GPC6: variants seen among roughly 807,000 people sequenced by gnomAD.
GPC6 encodes the protein glypican-6.
GPC6 carries 14 observed loss-of-function variants against 55.2 expected under a neutral mutation model. The observed-to-expected ratio is 0.25, with a 90% confidence interval of 0.17 to 0.40. The LOEUF (loss-of-function observed/expected upper bound fraction) is 0.40. Ranked by LOEUF, GPC6 falls within the 10% of genes least tolerant of loss-of-function variation. The probability of loss-of-function intolerance (pLI) is 1.00; values close to 1 mark genes in which losing one functional copy is unlikely to be tolerated. For synonymous variants in GPC6, 278 were observed against 259.6 expected, an observed-to-expected ratio of 1.07 and a Z score of -0.68; for missense variants, 641 against 708.5, an observed-to-expected ratio of 0.90 and a Z score of 1.08.
intron 2 of GPC6, among the ~76,000 whole-genome samples, chr13:93,699,702 A>G (rs1882602875): frequency 6.6e-6 from 1 of 152,180 alleles, no homozygotes; most frequent in African/African-American, 2.4e-5. Context: ...TGTGGTAAAT[A>G]AAATTATTTA....
At chr13:93,574,862 G>A (rs926438923) in intron 2 of GPC6, among the ~76,000 whole-genome samples, 1 of 152,126 alleles carries the variant, frequency 6.6e-6, no homozygotes, top group Non-Finnish European at 1.5e-5. Context: ...TTAGCATATT[G>A]TTTTAGAGGT....
chr13:93,620,462 C>T (rs1878901775), intron 2 of GPC6, among the ~76,000 whole-genome samples: 1 of 152,176 alleles, frequency 6.6e-6, no homozygotes, highest in Non-Finnish European at 1.5e-5. Flanking sequence ...TCTTTCCCAT[C>T]AAGTTCTATT....
intron 2 of GPC6, among the ~76,000 whole-genome samples, chr13:93,604,027 T>C (rs1282358549): frequency 6.6e-6 from 1 of 152,228 alleles, no homozygotes; most frequent in East Asian, 1.9e-4. Context: ...GTACACTCTG[T>C]ATAGACAAAC....
intron 2 of GPC6, among the ~76,000 whole-genome samples, chr13:93,669,101 G>C (rs1171882852): frequency 6.6e-6 from 1 of 152,090 alleles, no homozygotes; most frequent in Non-Finnish European, 1.5e-5. Context: ...TTATAAACAA[G>C]AAGATGAGCC....
intron 1 of GPC6, among the ~76,000 whole-genome samples, chr13:93,243,895 C>T (rs567578275): frequency 1.3e-5 from 2 of 152,132 alleles, no homozygotes; most frequent in South Asian, 4.2e-4. Flanking sequence ...GCTGGGGTGG[C>T]CATGGGATGC....
At chr13:94,033,182 C>T (rs1883204038) in intron 4 of GPC6, among the ~76,000 whole-genome samples, 1 of 152,150 alleles carries the variant, frequency 6.6e-6, no homozygotes, top group African/African-American at 2.4e-5. Context: ...ATAACTAATT[C>T]AGTAATTTAA....
chr13:93,640,888 C>T (rs1454836304), intron 2 of GPC6, among the ~76,000 whole-genome samples: 1 of 144,262 alleles, frequency 6.9e-6, no homozygotes, highest in African/African-American at 2.6e-5. Context: ...CCCTCTTTAT[C>T]TTTTTTCTGC....
chr13:94,302,784 C>A (rs558431769), intron 5 of GPC6, among the ~76,000 whole-genome samples: 1 of 152,332 alleles, frequency 6.6e-6, no homozygotes, highest in African/African-American at 2.4e-5. Context: ...GGCGACAAGC[C>A]TCTTGATCTC....
Position 94,405,954 on chromosome 13 carries a change from T to G in GPC6, c.*2737T>G, listed in dbSNP as rs866829738. 5 of 152,202 alleles carry G rather than the reference T, an allele frequency of 3.3e-5. No individual in the cohort carries two copies. Among genetic ancestry groups the G allele is most frequent in the African/African-American group, 1.2e-4 (5 of 41,462 alleles). The allele number at this position is 152,202 out of a possible 1,614,324, so 9.4% of individuals were successfully genotyped here. A position where few individuals can be genotyped will look rare whatever the true frequency, so the allele number is the denominator to read the frequency against. On this transcript the variant is annotated 3_prime_UTR_variant, in exon 9 of 9. Coordinates refer to ENST00000377047, the MANE Select transcript of GPC6 (RefSeq NM_005708.5). Reference sequence around the variant, plus strand: ...TAGTTACCCTATTTCAGTAAGTATTTTGGAATTCAACCCTCGAATTATTTT... The same window carrying G: ...TAGTTACCCTATTTCAGTAAGTATTGTGGAATTCAACCCTCGAATTATTTT...
At chr13:94,094,490 C>T (rs1043892198) in intron 4 of GPC6, among the ~76,000 whole-genome samples, 7 of 152,048 alleles carry the variant, frequency 4.6e-5, no homozygotes, top group Non-Finnish European at 8.8e-5. Context: ...TGGTAAGTCA[C>T]GAAAGAAAGA....
intron 4 of GPC6, among the ~76,000 whole-genome samples, chr13:94,098,918 G>A (rs1350912765): frequency 6.6e-6 from 1 of 152,046 alleles, no homozygotes; most frequent in Admixed American, 6.6e-5. Flanking sequence ...ATTGTGTGGG[G>A]CTACACCCAT....
At chr13:94,244,629 A>G (rs1159102431) in intron 4 of GPC6, among the ~76,000 whole-genome samples, 1 of 152,164 alleles carries the variant, frequency 6.6e-6, no homozygotes, top group Non-Finnish European at 1.5e-5. Flanking sequence ...AATAGTCATA[A>G]GGTTAAATCA....
chr13:93,565,024 T>A (rs909052446), intron 2 of GPC6, among the ~76,000 whole-genome samples: 1 of 152,206 alleles, frequency 6.6e-6, no homozygotes, highest in Non-Finnish European at 1.5e-5. Flanking sequence ...AGCATTTTTG[T>A]CAATTTCCCT....
rs192600327 is a variant in GPC6 at position 94,185,951 on chromosome 13, C to T, written c.878-100398C>T. Among the ~76,000 whole-genome samples the T allele has an allele frequency of 2.7e-4, 39 of 145,960 alleles. 1 individual carries two copies. Among genetic ancestry groups the T allele is most frequent in the African/African-American group, 9.9e-4 (39 of 39,448 alleles). On this transcript the variant is annotated intron_variant, in intron 4 of 8. Transcript: ENST00000377047. Reference sequence around the variant, plus strand: ...GGCAGGCCCCTGTAGTCCCAGCTACCCAGGAGGCTGAGGCAGGAGAATGGC... The same window carrying T: ...GGCAGGCCCCTGTAGTCCCAGCTACTCAGGAGGCTGAGGCAGGAGAATGGC...
At chr13:93,926,875 G>A (rs1465712664) in intron 3 of GPC6, among the ~76,000 whole-genome samples, 1 of 152,100 alleles carries the variant, frequency 6.6e-6, no homozygotes, top group Non-Finnish European at 1.5e-5. Context: ...AGTCACCAGA[G>A]CTTATGCGAA....
At chr13:93,997,677 G>A (rs1881620504) in intron 3 of GPC6, among the ~76,000 whole-genome samples, 1 of 151,952 alleles carries the variant, frequency 6.6e-6, no homozygotes, top group Non-Finnish European at 1.5e-5. Context: ...GAAGATGGAG[G>A]CAGTATCTTT....
chr13:93,597,007 C>CAA (rs10709473), intron 2 of GPC6, among the ~76,000 whole-genome samples: 699 of 67,950 alleles, frequency 0.01, 14 homozygotes, highest in African/African-American at 0.023. Context: ...TCAAATCTGG[C>CAA]AAAAAAAAAA....
At chr13:94,359,116 T>C (rs554519844) in intron 6 of GPC6, among the ~76,000 whole-genome samples, 3 of 152,150 alleles carry the variant, frequency 2.0e-5, no homozygotes. Context: ...TCAGTTATCT[T>C]TGGAAAAAAC....
chr13:93,450,794 A>G lies in GPC6; in HGVS notation c.161-94469A>G, dbSNP rs1878196369. ...TAGTTTATTTATGAAAGATCTTGTA[A>G]GCCATGACAAGGAATTTGTATTTTA... On this transcript the variant is annotated intron_variant, in intron 1 of 8. Coordinates refer to ENST00000377047, the MANE Select transcript of GPC6 (RefSeq NM_005708.5). 6.2e-6 allele frequency: 4 copies of G among 649,072 alleles called. No individual in the cohort carries two copies. In the South Asian group the frequency reaches 2.1e-4, roughly 34 times the overall value. The allele number at this position is 649,072 out of a possible 1,614,324, so 40.2% of individuals were successfully genotyped here. A position where few individuals can be genotyped will look rare whatever the true frequency, so the allele number is the denominator to read the frequency against.
Sources: gnomAD v4.1 joint callset for allele counts (sites outside exome capture counted in the v4.1 genomes callset) on GRCh38, gnomAD v4.1.1 for gene constraint, MANE v1.5 for transcripts, NCBI Gene and HGNC (gene_info 2026-07-23, HGNC 2026-07-21) for gene names.